ZNF300: variants seen among roughly 807,000 people sequenced by gnomAD.
The protein encoded by ZNF300 is kruppel-like zinc finger protein.
Under a neutral mutation model 13.9 loss-of-function variants are expected in ZNF300, and 6 were observed. The observed-to-expected ratio is 0.43, with a 90% CI of 0.24 to 0.85. ZNF300 has a LOEUF of 0.85. ZNF300 is among the 40% of genes least tolerant of loss of function. The probability of loss-of-function intolerance (pLI) is 0.25; values close to 1 mark genes in which losing one functional copy is unlikely to be tolerated. For missense variants in ZNF300, 662 were observed against 714.2 expected (o/e 0.93, Z 0.83); for synonymous variants, 237 against 242.2 (o/e 0.98, Z 0.20).
At chr5:150,904,030 G>A (rs550519833) in intron 1 of ZNF300, 53 bp from the exon 2 acceptor site, 73 of 152,404 alleles carry the variant, frequency 4.8e-4, no homozygotes, top group African/African-American at 1.7e-3. Flanking sequence ...TCCCGCAGAT[G>A]CTCAATAAAT....
At chr5:150,898,879 A>C (rs186376430) in intron 3 of ZNF300, among the ~76,000 whole-genome samples, 1 of 152,160 alleles carries the variant, frequency 6.6e-6, no homozygotes, top group Non-Finnish European at 1.5e-5. Context: ...TTATGGGTTG[A>C]GTTGTATCTC....
Position 150,898,064 on chromosome 5 carries a change from T to G in ZNF300, c.263A>C (p.Gln88Pro), listed in dbSNP as rs1224905715. The change falls in exon 5 of 6, where the codon CAA (glutamine) becomes CCA (proline). Residue 88 changes from glutamine to proline, a missense_variant and splice_region_variant. By Grantham distance (76) the Gln-to-Pro change is moderately conservative. Coordinates refer to ENST00000274599, the MANE Select transcript of ZNF300 (RefSeq NM_052860.4). ...YPDEYQADGR[Q>P]DRKSNLHNSQ... ...ACATAAATTGATATTTCACTTCCCT[T>G]GTCTCCCATCTGCCTGATATTCATC... 1 of 1,610,132 alleles carries G rather than the reference T, an allele frequency of 6.2e-7. No individual in the cohort carries two copies. The highest frequency in any genetic ancestry group is 1.3e-5 in the African/African-American group (1 of 74,660).
Position 150,898,085 on chromosome 5 carries a change from T to C in ZNF300, c.242A>G (p.Glu81Gly). 6.2e-7 allele frequency: 1 copy of C among 1,611,028 alleles called. No homozygotes were observed. The change falls in exon 5 of 6, where the codon GAA (glutamate) becomes GGA (glycine). Residue 81 changes from glutamate (E) to glycine (G), a missense_variant. Coordinates refer to ENST00000274599, the MANE Select transcript of ZNF300 (RefSeq NM_052860.4). ...GDISNWIYPD[E>G]YQADGRQDRK... is the part of the protein sequence containing the mutation. ...CCCTTGTCTCCCATCTGCCTGATAT[T>C]CATCTGGATAGATCCAATTTGATAT...
intron 2 of ZNF300, chr5:150,903,473 G>C: frequency 9.9e-7 from 1 of 1,008,486 alleles, no homozygotes; most frequent in Admixed American, 2.0e-5. Context: ...ACAACTTACT[G>C]TTCCCCTTGG....
At chr5:150,899,420 T>TA (rs139865848) in intron 3 of ZNF300, among the ~76,000 whole-genome samples, 9 of 151,690 alleles carry the variant, frequency 5.9e-5, no homozygotes, top group African/African-American at 1.2e-4. Flanking sequence ...CATTTTTTTT[T>TA]AAAAAAAGAA....
At chr5:150,901,820 A>G (rs2113031464) in intron 3 of ZNF300, among the ~76,000 whole-genome samples, 1 of 152,258 alleles carries the variant, frequency 6.6e-6, no homozygotes, top group African/African-American at 2.4e-5. Flanking sequence ...TGCATCTGAT[A>G]AAATAGTAAA....
intron 3 of ZNF300, chr5:150,900,480 G>T (rs1433974336): frequency 6.6e-6 from 1 of 151,976 alleles, no homozygotes; most frequent in Non-Finnish European, 1.5e-5. Context: ...AACAGTACCT[G>T]CTCCCATGTC....
At chr5:150,897,178 C>T (rs1187176210) in intron 5 of ZNF300, 4 of 438,860 alleles carry the variant, frequency 9.1e-6, no homozygotes. Context: ...CATGTAAAAA[C>T]TAAACTTAAA....
intron 2 of ZNF300, chr5:150,903,440 A>G (rs1755052418): frequency 7.6e-7 from 1 of 1,324,100 alleles, no homozygotes; most frequent in African/African-American, 1.5e-5. Flanking sequence ...AGATGTGAAG[A>G]TATGTTTCCA....
Position 150,903,067 on chromosome 5 carries a change from A to C in ZNF300, c.15+74T>G. 3 of 1,455,788 alleles carry C rather than the reference A, an allele frequency of 2.1e-6. No homozygotes were observed. The Admixed American group carries it at 5.6e-5, about 27-fold the overall frequency. The allele number at this position is 1,455,788 out of a possible 1,614,324, so 90.2% of individuals were successfully genotyped here. On this transcript the variant is annotated intron_variant, in intron 3 of 5. Coordinates refer to ENST00000274599, the MANE Select transcript of ZNF300 (RefSeq NM_052860.4). ...CCACCTTTTCCTTCATCCAGATTTT[A>C]GCTAACTTTACTTTCCATTTGATTG...
In ZNF300 at chr5:150,895,753, T is replaced by C. The variant is rs866282218; in HGVS notation, c.1486A>G (p.Ser496Gly). The C allele has an allele frequency of 1.9e-6, 3 of 1,613,656 alleles. No individual in the cohort carries two copies. The highest frequency in any genetic ancestry group is 1.7e-5 in the Admixed American group (1 of 59,860). Residue 496 changes from serine to glycine, a missense_variant, in exon 6 of 6, where the codon AGT (serine) becomes GGT (glycine). Coordinates refer to ENST00000274599, the MANE Select transcript of ZNF300 (RefSeq NM_052860.4). ...THTGEKPYKCSECGKAFCQKS... is the reference protein window; with the variant it reads ...THTGEKPYKCGECGKAFCQKS... ...TGGCAGAAGGCTTTGCCACATTCAC[T>C]ACATTTATAGGGTTTTTCTCCAGTA...
chr5:150,903,335 C>A (rs974574365), intron 2 of ZNF300, 153 bp from the exon 3 acceptor site: 2 of 1,558,104 alleles, frequency 1.3e-6, no homozygotes, highest in Non-Finnish European at 8.7e-7. Flanking sequence ...TTACAGAAGT[C>A]TCAGCAGGCA....
At position 150,896,047 on chromosome 5, in the gene ZNF300, T is replaced by TAATC; in HGVS notation, c.1188_1191dup (p.Ile398AspfsTer14). The stretch of plus-strand genomic sequence containing the variant: ...TCTCCAGTATGAGCTCTGTGGTGTA[T>TAATC]AATCAGCTGTGACTTCTGGGAAAAG... On this transcript the variant is annotated frameshift_variant, in exon 6 of 6. Transcript: ENST00000274599. LOFTEE classifies it low-confidence loss of function (END_TRUNC). The TAATC allele has an allele frequency of 1.2e-6, 2 of 1,613,362 alleles. No individual in the cohort carries two copies. The highest frequency in any genetic ancestry group is 1.3e-5 in the African/African-American group (1 of 74,908).
intron 3 of ZNF300, among the ~76,000 whole-genome samples, chr5:150,899,564 T>C (rs533020620): frequency 2.0e-5 from 3 of 152,110 alleles, no homozygotes; most frequent in Non-Finnish European, 2.9e-5. Context: ...TAGTTAGTAA[T>C]AGAATGAATA....
At chr5:150,903,461 T>C (rs916637418) in intron 2 of ZNF300, 1 of 1,137,896 alleles carries the variant, frequency 8.8e-7, no homozygotes. Context: ...GTTGATTTAC[T>C]AACAACTTAC....
rs1487401835 is a variant in ZNF300, at chr5:150,898,060, C to T, written c.265+2G>A. 6.2e-7 allele frequency: 1 copy of T among 1,609,036 alleles called. No homozygotes were observed. The highest frequency in any genetic ancestry group is 2.2e-5 in the East Asian group (1 of 44,846). ...AAAAACATAAATTGATATTTCACTT[C>T]CCTTGTCTCCCATCTGCCTGATATT... On this transcript the variant is annotated splice_donor_variant, in intron 5 of 5. Coordinates refer to ENST00000274599, the MANE Select transcript of ZNF300 (RefSeq NM_052860.4). LOFTEE classifies it high-confidence loss of function.
intron 5 of ZNF300, 144 bp from the exon 6 acceptor site, chr5:150,897,117 A>G: frequency 1.7e-6 from 1 of 598,104 alleles, no homozygotes; most frequent in Non-Finnish European, 2.9e-6. Context: ...ACAGTACAGC[A>G]TATAGTGTTA....
At chr5:150,901,685 C>T (rs1378272825) in intron 3 of ZNF300, among the ~76,000 whole-genome samples, 2 of 151,988 alleles carry the variant, frequency 1.3e-5, no homozygotes, top group Admixed American at 1.3e-4. Flanking sequence ...CAGTACAAAC[C>T]ATGCCCCAGT....
intron 3 of ZNF300, among the ~76,000 whole-genome samples, chr5:150,902,664 G>A (rs1281933732): frequency 6.6e-6 from 1 of 152,082 alleles, no homozygotes; most frequent in East Asian, 1.9e-4. Flanking sequence ...GCAATAATTT[G>A]CCAACCCTCA....
Sources: gnomAD v4.1 joint callset for allele counts (sites outside exome capture counted in the v4.1 genomes callset) on GRCh38, gnomAD v4.1.1 for gene constraint, MANE v1.5 for transcripts, NCBI Gene and HGNC (gene_info 2026-07-23, HGNC 2026-07-21) for gene names.